WDR49: variants seen among roughly 807,000 people sequenced by gnomAD.
The protein encoded by WDR49 is WD repeat domain 49.
In WDR49, 107 loss-of-function variants were observed where a neutral mutation model predicts 119.5. The ratio of observed to expected loss-of-function variants is 0.90; its 90% CI spans 0.77 to 1.05. The LOEUF (loss-of-function observed/expected upper bound fraction) is 1.05, where lower values mean the gene tolerates loss of function less well. Among genes scored for constraint, WDR49 ranks in the 50% least tolerant of loss-of-function variants. The probability of loss-of-function intolerance (pLI) is 0.00; values close to 1 mark genes in which losing one functional copy is unlikely to be tolerated. For missense variants in WDR49, 1,240 were observed against 1,220.5 expected, an observed-to-expected ratio of 1.02 and a Z score of -0.24; for synonymous variants, 425 against 418.8, an observed-to-expected ratio of 1.01 and a Z score of -0.18.
Position 167,640,338 on chromosome 3 carries a change from C to G in WDR49, c.165+12923G>C, listed in dbSNP as rs181517906. On this transcript the variant is annotated intron_variant, in intron 2 of 18. Coordinates refer to ENST00000682715, the MANE Select transcript of WDR49 (RefSeq NM_001366157.1). ...AGCATTTAAACATGATCAAGTCATT[C>G]GAATTATTAACCATCTTCCGTTGAC... 1.2e-3 allele frequency among the ~76,000 whole-genome samples: 177 copies of G among 151,878 alleles called. 1 individual carries two copies. Among genetic ancestry groups the G allele is most frequent in the African/African-American group, 4.1e-3 (170 of 41,520 alleles).
rs543491156 is a variant in WDR49, at chr3:167,561,286, C to A, written c.1510-1058G>T. ...GCTCCATAACGGCAATGGAACTTCA[C>A]TGGCAAAATCCTGCTCTCAAGGAGT... On this transcript the variant is annotated intron_variant, in intron 8 of 18. Coordinates refer to ENST00000682715, the MANE Select transcript of WDR49 (RefSeq NM_001366157.1). Among the ~76,000 whole-genome samples, 15 of 152,246 alleles carry A rather than the reference C, an allele frequency of 9.9e-5. No individual in the cohort carries two copies. The South Asian group carries it at 1.0e-3, about 11-fold the overall frequency.
chr3:167,603,852 T>C (rs974786469), intron 6 of WDR49, among the ~76,000 whole-genome samples: 1 of 152,112 alleles, frequency 6.6e-6, no homozygotes, highest in African/African-American at 2.4e-5. Flanking sequence ...TGAAAGGTAA[T>C]TGAAAAACAG....
intron 8 of WDR49, among the ~76,000 whole-genome samples, chr3:167,562,815 A>G (rs1713347014): frequency 6.6e-6 from 1 of 152,180 alleles, no homozygotes; most frequent in African/African-American, 2.4e-5. Context: ...TCATCTGTAA[A>G]CCAGAAATAT....
intron 7 of WDR49, among the ~76,000 whole-genome samples, chr3:167,583,251 T>C (rs985187172): frequency 2.0e-5 from 3 of 152,110 alleles, no homozygotes; most frequent in Admixed American, 2.0e-4. Flanking sequence ...ACTCTTTAAA[T>C]TTTAAAATTC....
At chr3:167,518,645 G>GATT (rs1305110522) in intron 16 of WDR49, among the ~76,000 whole-genome samples, 2 of 151,652 alleles carry the variant, frequency 1.3e-5, no homozygotes, top group Non-Finnish European at 2.9e-5. Flanking sequence ...CCCTTTGTCA[G>GATT]ATGAGTAGGT....
At chr3:167,618,469 T>C (rs1367072173) in intron 5 of WDR49, among the ~76,000 whole-genome samples, 1 of 150,774 alleles carries the variant, frequency 6.6e-6, no homozygotes, top group Non-Finnish European at 1.5e-5. Context: ...AAAGTAAATG[T>C]GTGTGTGTGT....
intron 9 of WDR49, among the ~76,000 whole-genome samples, chr3:167,555,049 T>G (rs1712843520): frequency 6.6e-6 from 1 of 152,218 alleles, no homozygotes; most frequent in African/African-American, 2.4e-5. Flanking sequence ...GCTAATGACA[T>G]GACTCCAGGC....
At chr3:167,527,716 G>T (rs1327848075) in intron 15 of WDR49, 104 bp downstream of exon 15, 7 of 1,184,672 alleles carry the variant, frequency 5.9e-6, no homozygotes, top group Non-Finnish European at 8.2e-6. Flanking sequence ...GTTCTTTCAT[G>T]ACTAATGAAC....
intron 16 of WDR49, among the ~76,000 whole-genome samples, chr3:167,506,862 T>G (rs985713237): frequency 1.3e-5 from 2 of 152,212 alleles, no homozygotes; most frequent in Non-Finnish European, 2.9e-5. Context: ...CTTGTTGGAT[T>G]TTTTTGGTAG....
intron 5 of WDR49, among the ~76,000 whole-genome samples, chr3:167,605,270 G>A (rs1004355136): frequency 6.6e-6 from 1 of 152,046 alleles, no homozygotes; most frequent in Non-Finnish European, 1.5e-5. Flanking sequence ...ATTAATTCAA[G>A]AGCTCATATT....
At chr3:167,542,760 C>T (rs141526879) in intron 10 of WDR49, among the ~76,000 whole-genome samples, 1,887 of 151,728 alleles carry the variant, frequency 0.012, 39 homozygotes, top group African/African-American at 0.044. Context: ...CAAACCCAAA[C>T]CCAGCAGAAG....
At chr3:167,578,576 T>C (rs1403358952) in intron 7 of WDR49, among the ~76,000 whole-genome samples, 2 of 152,140 alleles carry the variant, frequency 1.3e-5, no homozygotes, top group Admixed American at 6.6e-5. Context: ...GCATGTTAAT[T>C]TTTTTAGTCC....
chr3:167,639,753 C>T (rs1559928659), intron 2 of WDR49, among the ~76,000 whole-genome samples: 3 of 151,806 alleles, frequency 2.0e-5, no homozygotes, highest in Non-Finnish European at 4.4e-5. Context: ...CTTCTCAAAC[C>T]AAAGATCCAA....
chr3:167,483,235 C>G lies in WDR49; in HGVS notation c.3032-4239G>C, dbSNP rs74875300. ...GGATAACTGTACATCAGCAGCTGAT[C>G]CTGTCCCATATGACTGCAGATTAGC... On this transcript the variant is annotated intron_variant, in intron 18 of 18. Coordinates refer to ENST00000682715, the MANE Select transcript of WDR49 (RefSeq NM_001366157.1). 2.6e-5 allele frequency among the ~76,000 whole-genome samples: 4 copies of G among 152,298 alleles called. No homozygotes were observed. The East Asian group carries it at 7.7e-4, about 29-fold the overall frequency.
chr3:167,582,547 C>T (rs1714592059), intron 7 of WDR49, among the ~76,000 whole-genome samples: 1 of 152,056 alleles, frequency 6.6e-6, no homozygotes, highest in African/African-American at 2.4e-5. Flanking sequence ...AGACACACAG[C>T]TCTAAGACTC....
At position 167,533,007 on chromosome 3, in the gene WDR49, TG is replaced by T. The variant is rs768005031; in HGVS notation, c.1955-31del. On this transcript the variant is annotated intron_variant, in intron 11 of 18. Coordinates refer to ENST00000682715, the MANE Select transcript of WDR49 (RefSeq NM_001366157.1). ...ACAAGACAGGATGGAGAATATAAATTGCCAGGAGATTAAGATAGAAAATATG... is the reference window on the plus strand; with the variant it reads ...ACAAGACAGGATGGAGAATATAAATTCCAGGAGATTAAGATAGAAAATATG... 17 of 1,483,750 alleles carry T rather than the reference TG, an allele frequency of 1.1e-5. No individual in the cohort carries two copies. In the African/African-American group the frequency reaches 2.4e-4, roughly 21 times the overall value. The allele number at this position is 1,483,750 out of a possible 1,614,324, so 91.9% of individuals were successfully genotyped here. A position where few individuals can be genotyped will look rare whatever the true frequency, so the allele number is the denominator to read the frequency against.
chr3:167,618,910 T>C (rs1716726578), intron 5 of WDR49, among the ~76,000 whole-genome samples: 1 of 152,184 alleles, frequency 6.6e-6, no homozygotes, highest in South Asian at 2.1e-4. Context: ...ACTTCATTGG[T>C]ATGGTTGATT....
rs1370737019 is a variant in WDR49, at chr3:167,494,291, T to C, written c.3031+5862A>G. The stretch of plus-strand genomic sequence containing the variant: ...ACTGCACACAGCAAGTTCCCATTAC[T>C]ATAATATTGCTGCCTTCAGTCTAGC... On this transcript the variant is annotated intron_variant, in intron 18 of 18. Coordinates refer to ENST00000682715, the MANE Select transcript of WDR49 (RefSeq NM_001366157.1). 2.0e-5 allele frequency among the ~76,000 whole-genome samples: 3 copies of C among 152,208 alleles called. No homozygotes were observed. In the East Asian group the frequency reaches 5.8e-4, roughly 29 times the overall value.
rs35181099 is a variant in WDR49, at chr3:167,482,505, TA to T, written c.3032-3510del. ...TAACATGGTGAAACCCCGTCTCTAC[TA>T]AAAAAAAAAAAAAATACAAAAAATT... On this transcript the variant is annotated intron_variant, in intron 18 of 18. Transcript: ENST00000682715. Among the ~76,000 whole-genome samples the T allele has an allele frequency of 7.6e-3, 1,046 of 137,910 alleles. 6 individuals are homozygous for T. Among genetic ancestry groups the T allele is most frequent in the African/African-American group, 0.022 (809 of 37,132 alleles). The allele number at this position is 137,910 out of a possible 152,430, so 90.5% of individuals were successfully genotyped here.
Sources: allele counts gnomAD v4.1 joint callset (sites outside exome capture counted in the v4.1 genomes callset), GRCh38; gene constraint gnomAD v4.1.1; transcripts MANE v1.5; gene names NCBI Gene and HGNC (gene_info 2026-07-23, HGNC 2026-07-21).